CACNG3: variants seen among roughly 807,000 people sequenced by gnomAD.
CACNG3 encodes voltage-dependent calcium channel gamma-3 subunit.
CACNG3 carries 3 observed loss-of-function variants against 28.5 expected under a neutral mutation model. That is an observed-to-expected ratio of 0.11 (90% confidence interval 0.05 to 0.27). The LOEUF (loss-of-function observed/expected upper bound fraction) is 0.27. Ranked by LOEUF, CACNG3 falls within the 10% of genes least tolerant of loss-of-function variation. The pLI is 1.00. For synonymous variants in CACNG3, 174 were observed against 162.2 expected, an observed-to-expected ratio of 1.07 and a Z score of -0.55; for missense variants, 236 against 414.4, an observed-to-expected ratio of 0.57 and a Z score of 3.74.
chr16:24,304,832 G>A (rs1172962112), intron 1 of CACNG3, among the ~76,000 whole-genome samples: 1 of 152,094 alleles, frequency 6.6e-6, no homozygotes. Flanking sequence ...AAAGTGCTGG[G>A]ATTACAGGCA....
chr16:24,345,043 G>A (rs1282628185), intron 1 of CACNG3, among the ~76,000 whole-genome samples: 1 of 152,196 alleles, frequency 6.6e-6, no homozygotes, highest in Non-Finnish European at 1.5e-5. Context: ...AATGAGATAA[G>A]GGGTGTAAGG....
intron 1 of CACNG3, among the ~76,000 whole-genome samples, chr16:24,321,299 T>C (rs1899453275): frequency 6.6e-6 from 1 of 151,840 alleles, no homozygotes; most frequent in Non-Finnish European, 1.5e-5. Flanking sequence ...ATACAAAAAT[T>C]AACAGGGTAT....
At chr16:24,321,427 T>G (rs1185741663) in intron 1 of CACNG3, among the ~76,000 whole-genome samples, 1 of 151,930 alleles carries the variant, frequency 6.6e-6, no homozygotes, top group Non-Finnish European at 1.5e-5. Context: ...GGCAATGGAG[T>G]GAGACTCTGG....
At chr16:24,339,715 T>C (rs773639540) in intron 1 of CACNG3, among the ~76,000 whole-genome samples, 8 of 152,210 alleles carry the variant, frequency 5.3e-5, no homozygotes, top group Non-Finnish European at 1.0e-4. Flanking sequence ...AGACTAATTC[T>C]ATCACCTGGA....
chr16:24,355,355 T>C (rs1195049942), intron 3 of CACNG3, among the ~76,000 whole-genome samples: 2 of 113,548 alleles, frequency 1.8e-5, no homozygotes, highest in East Asian at 2.8e-4. Flanking sequence ...AGGAGGATTG[T>C]TTGAGCCCAG....
intron 1 of CACNG3, among the ~76,000 whole-genome samples, chr16:24,297,842 T>G (rs1899052651): frequency 2.0e-5 from 3 of 152,098 alleles, no homozygotes. Flanking sequence ...CCTCACACTG[T>G]AAAGGATTTT....
At chr16:24,347,691 C>T (rs1899888075) in intron 2 of CACNG3, among the ~76,000 whole-genome samples, 2 of 152,166 alleles carry the variant, frequency 1.3e-5, no homozygotes, top group Admixed American at 1.3e-4. Flanking sequence ...TAGGATTTTT[C>T]CAAAGTCAGT....
At position 24,293,139 on chromosome 16, in the gene CACNG3, G is replaced by A. The variant is rs187285700; in HGVS notation, c.211+36174G>A. 1.1e-3 allele frequency among the ~76,000 whole-genome samples: 163 copies of A among 152,330 alleles called. 1 individual carries two copies. Among genetic ancestry groups the A allele is most frequent in the African/African-American group, 3.5e-3 (144 of 41,552 alleles). On this transcript the variant is annotated intron_variant, in intron 1 of 3. Coordinates refer to ENST00000005284, the MANE Select transcript of CACNG3 (RefSeq NM_006539.4). The stretch of plus-strand genomic sequence containing the variant: ...CTAAGCCAAGAAGTTATTGTCCCTT[G>A]AATTTCAAGGTTCTAGAGCTGTTAA...
chr16:24,328,524 A>C (rs180715881), intron 1 of CACNG3, among the ~76,000 whole-genome samples: 8 of 151,868 alleles, frequency 5.3e-5, no homozygotes, highest in African/African-American at 1.7e-4. Context: ...ACTGTGTATC[A>C]GATTGGGTGC....
chr16:24,343,854 C>A (rs1411137497), intron 1 of CACNG3, among the ~76,000 whole-genome samples: 1 of 152,078 alleles, frequency 6.6e-6, no homozygotes, highest in Non-Finnish European at 1.5e-5. Flanking sequence ...CTTTGGGAGT[C>A]TGAGACGGGT....
At chr16:24,314,733 GCCTCCTCCT>G (rs140787661) in intron 1 of CACNG3, among the ~76,000 whole-genome samples, 24,669 of 119,078 alleles carry the variant, frequency 0.21, 2,466 homozygotes, top group East Asian at 0.23. Context: ...TAGGACTCTC[GCCTCCTCCT>G]CCTCCTCCTC....
chr16:24,288,882 C>A (rs1057467941), intron 1 of CACNG3, among the ~76,000 whole-genome samples: 4 of 152,126 alleles, frequency 2.6e-5, no homozygotes, highest in African/African-American at 9.7e-5. Flanking sequence ...AACACACACA[C>A]ACACACACAC....
intron 1 of CACNG3, among the ~76,000 whole-genome samples, chr16:24,337,061 G>A (rs1176267586): frequency 6.6e-6 from 1 of 152,060 alleles, no homozygotes; most frequent in Admixed American, 6.5e-5. Context: ...AGATCCTCCT[G>A]CCTTGGCCTC....
rs184083594 is a variant in CACNG3, at chr16:24,329,246, C to T, written c.212-17488C>T. Among the ~76,000 whole-genome samples the T allele has an allele frequency of 3.3e-3, 509 of 152,300 alleles. 3 individuals are homozygous for T. The highest frequency in any genetic ancestry group is 4.6e-3 in the Non-Finnish European group (316 of 68,024). On this transcript the variant is annotated intron_variant, in intron 1 of 3. Coordinates refer to ENST00000005284, the MANE Select transcript of CACNG3 (RefSeq NM_006539.4). ...GTGCAGTTAATGGTTGCCGTGGCAA[C>T]CACCCATGCTTAATGAATAGAAGAG...
Position 24,282,826 on chromosome 16 carries a change from A to T in CACNG3, c.211+25861A>T, listed in dbSNP as rs146017793. On this transcript the variant is annotated intron_variant, in intron 1 of 3. Transcript: ENST00000005284. ...TTTAATCTATATTTCTATTTCTGAG[A>T]TTCTACACACTCTCTTTTGAATTCA... Among the ~76,000 whole-genome samples the T allele has an allele frequency of 4.1e-4, 63 of 151,816 alleles. No homozygotes were observed. In the East Asian group the frequency reaches 0.011, roughly 26 times the overall value.
intron 1 of CACNG3, among the ~76,000 whole-genome samples, chr16:24,275,329 C>T (rs1197064965): frequency 6.6e-6 from 1 of 152,158 alleles, no homozygotes; most frequent in Non-Finnish European, 1.5e-5. Context: ...GTATTCATCA[C>T]CACTCACTTG....
chr16:24,318,286 G>A lies in CACNG3; in HGVS notation c.212-28448G>A, dbSNP rs1036095793. 3.3e-5 allele frequency among the ~76,000 whole-genome samples: 5 copies of A among 152,076 alleles called. No homozygotes were observed. The East Asian group carries it at 9.7e-4, about 29-fold the overall frequency. ...AGCTCACTGCAACCTCCATCTCCCA[G>A]GTTCAAGCCATTCTCCTGCCTCAGC... On this transcript the variant is annotated intron_variant, in intron 1 of 3. Coordinates refer to ENST00000005284, the MANE Select transcript of CACNG3 (RefSeq NM_006539.4).
At chr16:24,288,871 A>C (rs1198935857) in intron 1 of CACNG3, among the ~76,000 whole-genome samples, 2 of 151,216 alleles carry the variant, frequency 1.3e-5, no homozygotes, top group African/African-American at 2.5e-5. Flanking sequence ...TGTGACACAT[A>C]AACACACACA....
chr16:24,345,238 C>T (rs1203786583), intron 1 of CACNG3, among the ~76,000 whole-genome samples: 2 of 152,222 alleles, frequency 1.3e-5, no homozygotes, highest in Non-Finnish European at 2.9e-5. Context: ...CCCACGACAT[C>T]ACAATGCCCG....
Sources: allele counts gnomAD v4.1 joint callset (sites outside exome capture counted in the v4.1 genomes callset), GRCh38; gene constraint gnomAD v4.1.1; transcripts MANE v1.5; gene names NCBI Gene and HGNC (gene_info 2026-07-23, HGNC 2026-07-21).